PTPRJ: variants seen among roughly 807,000 people sequenced by gnomAD.
PTPRJ encodes receptor-type tyrosine-protein phosphatase eta.
In PTPRJ, 129 loss-of-function variants were observed where a neutral mutation model predicts 141.3. The observed-to-expected ratio is 0.91, with a 90% CI of 0.79 to 1.06. The LOEUF (loss-of-function observed/expected upper bound fraction) is 1.06, where lower values mean the gene tolerates loss of function less well. PTPRJ is among the 50% of genes least tolerant of loss of function. The pLI, the probability that PTPRJ is intolerant of heterozygous loss-of-function variation, is 0.00. For synonymous variants in PTPRJ, 610 were observed against 640.5 expected (o/e 0.95, Z 0.72); for missense variants, 1,601 against 1,679.7 (o/e 0.95, Z 0.82).
At chr11:47,995,638 G>A (rs1172154224) in intron 1 of PTPRJ, among the ~76,000 whole-genome samples, 2 of 152,214 alleles carry the variant, frequency 1.3e-5, no homozygotes, top group East Asian at 1.9e-4. Context: ...ATTAAGTGAT[G>A]TCATGGTATC....
intron 1 of PTPRJ, among the ~76,000 whole-genome samples, chr11:48,096,180 C>G (rs1389429067): frequency 6.6e-6 from 1 of 152,166 alleles, no homozygotes; most frequent in Non-Finnish European, 1.5e-5. Flanking sequence ...TGAAAGCACA[C>G]AAAGCAAAGC....
chr11:48,164,316 G>T, intron 23 of PTPRJ, 64 bp from the exon 24 acceptor site: 1 of 1,577,018 alleles, frequency 6.3e-7, no homozygotes, highest in South Asian at 1.2e-5. Flanking sequence ...TACAAATGAG[G>T]AACTCTAAGA....
chr11:48,061,801 G>A (rs1045269295), intron 1 of PTPRJ, among the ~76,000 whole-genome samples: 3 of 151,564 alleles, frequency 2.0e-5, no homozygotes, highest in Non-Finnish European at 4.4e-5. Flanking sequence ...AATGCTTTAT[G>A]TTCACACAAC....
intron 8 of PTPRJ, among the ~76,000 whole-genome samples, chr11:48,134,359 G>C (rs1039271515): frequency 6.6e-6 from 1 of 152,000 alleles, no homozygotes; most frequent in Non-Finnish European, 1.5e-5. Context: ...AGATCACAGT[G>C]CCCACAGCCC....
At chr11:48,147,575 A>G (rs1857382018) in intron 15 of PTPRJ, among the ~76,000 whole-genome samples, 1 of 152,242 alleles carries the variant, frequency 6.6e-6, no homozygotes, top group African/African-American at 2.4e-5. Flanking sequence ...AGGCAGGTCC[A>G]GTAAGTCCCT....
At chr11:48,063,491 A>G (rs1391311051) in intron 1 of PTPRJ, among the ~76,000 whole-genome samples, 1 of 152,224 alleles carries the variant, frequency 6.6e-6, no homozygotes, top group African/African-American at 2.4e-5. Context: ...GAATGAATGA[A>G]TGAAAGGTAA....
At chr11:48,008,158 C>T (rs1318838615) in intron 1 of PTPRJ, among the ~76,000 whole-genome samples, 1 of 152,208 alleles carries the variant, frequency 6.6e-6, no homozygotes, top group Non-Finnish European at 1.5e-5. Context: ...AAGGTGTCTT[C>T]TGAACTCTGG....
chr11:48,159,898 A>C, intron 21 of PTPRJ, 32 bp from the exon 22 acceptor site: 1 of 1,612,550 alleles, frequency 6.2e-7, no homozygotes, highest in Non-Finnish European at 8.5e-7. Flanking sequence ...GCATGATCTG[A>C]GTCTTCTTAT....
rs75922083 is a variant in PTPRJ at position 48,161,525 on chromosome 11, C to T, written c.3558+1476C>T. Among the ~76,000 whole-genome samples the T allele has an allele frequency of 4.7e-3, 710 of 152,290 alleles. 7 individuals carry two copies. Among genetic ancestry groups the T allele is most frequent in the Admixed American group, 6.9e-3 (106 of 15,296 alleles). ...ATTTCAGTTCCTCCTCTGGAGATGCCATCAAAGCTGTTACCATGATCTGGC... is the reference window on the plus strand; with the variant it reads ...ATTTCAGTTCCTCCTCTGGAGATGCTATCAAAGCTGTTACCATGATCTGGC... On this transcript the variant is annotated intron_variant, in intron 22 of 24. Transcript: ENST00000418331.
intron 18 of PTPRJ, among the ~76,000 whole-genome samples, chr11:48,151,186 G>A (rs893094005): frequency 6.6e-6 from 1 of 152,084 alleles, no homozygotes; most frequent in Non-Finnish European, 1.5e-5. Flanking sequence ...GAGGCCACAA[G>A]TCCCAAATTA....
At chr11:48,069,048 A>G (rs55670897) in intron 1 of PTPRJ, among the ~76,000 whole-genome samples, 9,606 of 152,034 alleles carry the variant, frequency 0.063, 438 homozygotes, top group African/African-American at 0.12. Flanking sequence ...ACCCTAGGAG[A>G]TGCAAAGAAG....
At chr11:48,066,030 C>T (rs757628899) in intron 1 of PTPRJ, among the ~76,000 whole-genome samples, 4 of 152,060 alleles carry the variant, frequency 2.6e-5, no homozygotes, top group Non-Finnish European at 4.4e-5. Context: ...ACCTGTAGTC[C>T]CAGCTACTTA....
intron 1 of PTPRJ, among the ~76,000 whole-genome samples, chr11:47,984,065 C>T (rs919019848): frequency 6.6e-6 from 1 of 152,106 alleles, no homozygotes; most frequent in African/African-American, 2.4e-5. Flanking sequence ...GAAAACCAAA[C>T]GATTATGTTT....
At chr11:48,080,645 T>C (rs966614208) in intron 1 of PTPRJ, among the ~76,000 whole-genome samples, 4 of 152,234 alleles carry the variant, frequency 2.6e-5, no homozygotes, top group Non-Finnish European at 5.9e-5. Flanking sequence ...GTATACCATC[T>C]TGGCTTTGGC....
rs61139660 is a variant in PTPRJ at position 48,065,004 on chromosome 11, C to CTTT, written c.97-45029_97-45027dup. 2.8e-4 allele frequency among the ~76,000 whole-genome samples: 33 copies of CTTT among 117,192 alleles called. 1 individual carries two copies. The highest frequency in any genetic ancestry group is 7.9e-4 in the South Asian group (3 of 3,774). The allele number at this position is 117,192 out of a possible 152,430, so 76.9% of individuals were successfully genotyped here. On this transcript the variant is annotated intron_variant, in intron 1 of 24. Coordinates refer to ENST00000418331, the MANE Select transcript of PTPRJ (RefSeq NM_002843.4). ...GCTGAGACCTGTTTTCCTCAACTAC[C>CTTT]TTTTTTTTTTTTTTTTTTTTTTTTT...
intron 1 of PTPRJ, among the ~76,000 whole-genome samples, chr11:48,056,889 G>A (rs142269844): frequency 1.1e-3 from 160 of 152,354 alleles, no homozygotes; most frequent in African/African-American, 3.6e-3. Context: ...GGGAGGAGGA[G>A]GTTGCAGTGA....
At position 48,137,043 on chromosome 11, in the gene PTPRJ, C is replaced by T; in HGVS notation, c.1914C>T (p.Thr638=). The change falls in exon 10 of 25, where the codon ACC becomes ACT. Residue 638 remains threonine, a synonymous_variant. Transcript: ENST00000418331. ...NVSNIDVSTN[T]TAATLSWQNF... Reference sequence around the variant, plus strand: ...CCAACATTGATGTAAGTACCAACACCACAGCAGCAACTTTAAGTTGGCAGA... The same window carrying T: ...CCAACATTGATGTAAGTACCAACACTACAGCAGCAACTTTAAGTTGGCAGA... 6.2e-7 allele frequency: 1 copy of T among 1,606,004 alleles called. No individual in the cohort carries two copies. The highest frequency in any genetic ancestry group is 8.5e-7 in the Non-Finnish European group (1 of 1,172,684).
Position 48,099,409 on chromosome 11 carries a change from C to T in PTPRJ, c.97-10649C>T, listed in dbSNP as rs182142702. Reference sequence around the variant, plus strand: ...GTAAAGTTCTGTTGGAACTCAGCTACAGTCGTTAGTTTACATATCATCGAT... The same window carrying T: ...GTAAAGTTCTGTTGGAACTCAGCTATAGTCGTTAGTTTACATATCATCGAT... On this transcript the variant is annotated intron_variant, in intron 1 of 24. Transcript: ENST00000418331. Among the ~76,000 whole-genome samples the T allele has an allele frequency of 3.9e-5, 6 of 152,328 alleles. No individual in the cohort carries two copies. In the East Asian group the frequency reaches 1.2e-3, roughly 29 times the overall value.
At chr11:48,071,823 CGATCTCTTGACCTCAT>C (rs1170310684) in intron 1 of PTPRJ, among the ~76,000 whole-genome samples, 1 of 147,266 alleles carries the variant, frequency 6.8e-6, no homozygotes, top group Non-Finnish European at 1.5e-5. Flanking sequence ...AGGATGGTCT[CGATCTCTTGACCTCAT>C]GATCTACCTG....
Sources: allele counts gnomAD v4.1 joint callset (sites outside exome capture counted in the v4.1 genomes callset), GRCh38; gene constraint gnomAD v4.1.1; transcripts MANE v1.5; gene names NCBI Gene and HGNC (gene_info 2026-07-23, HGNC 2026-07-21).